The following ZMAT4 variants were observed in gnomAD, a reference collection of about 807,000 sequenced individuals.
ZMAT4 encodes zinc finger matrin-type protein 4.
Under a neutral mutation model 28.7 loss-of-function variants are expected in ZMAT4, and 17 were observed. The ratio of observed to expected loss-of-function variants is 0.59; its 90% CI spans 0.41 to 0.89. The LOEUF (loss-of-function observed/expected upper bound fraction) is 0.89, where lower values mean the gene tolerates loss of function less well. Ranked by LOEUF, ZMAT4 falls within the 40% of genes least tolerant of loss-of-function variation. The pLI, the probability that ZMAT4 is intolerant of heterozygous loss-of-function variation, is 0.00. For missense variants in ZMAT4, 240 were observed against 283.8 expected (o/e 0.85, Z 1.11); for synonymous variants, 117 against 109.2 (o/e 1.07, Z -0.44).
intron 5 of ZMAT4, among the ~76,000 whole-genome samples, chr8:40,629,869 G>A (rs528514520): frequency 3.2e-4 from 49 of 152,178 alleles, no homozygotes; most frequent in African/African-American, 8.4e-4. Context: ...ATAAACATAC[G>A]TGTGCATGTG....
At chr8:40,738,398 C>G (rs980579910) in intron 3 of ZMAT4, among the ~76,000 whole-genome samples, 1 of 152,122 alleles carries the variant, frequency 6.6e-6, no homozygotes, top group African/African-American at 2.4e-5. Context: ...GAAAGTTGTG[C>G]AAGGCGGTGG....
At chr8:40,637,895 G>A (rs1004271596) in intron 5 of ZMAT4, among the ~76,000 whole-genome samples, 2 of 152,158 alleles carry the variant, frequency 1.3e-5, no homozygotes, top group Non-Finnish European at 2.9e-5. Flanking sequence ...AAAGAAAAAT[G>A]GTCATTTTCA....
chr8:40,679,480 A>G (rs1290629800), intron 4 of ZMAT4, among the ~76,000 whole-genome samples: 2 of 152,166 alleles, frequency 1.3e-5, no homozygotes. Context: ...ATCATGGCAG[A>G]AGTGGAAGAA....
At chr8:40,875,687 A>G (rs1818018364) in intron 1 of ZMAT4, among the ~76,000 whole-genome samples, 1 of 152,096 alleles carries the variant, frequency 6.6e-6, no homozygotes, top group African/African-American at 2.4e-5. Flanking sequence ...CCAGGATGGA[A>G]GCTGAAATGC....
At chr8:40,549,392 G>C (rs1803298955) in intron 6 of ZMAT4, among the ~76,000 whole-genome samples, 1 of 152,202 alleles carries the variant, frequency 6.6e-6, no homozygotes, top group Admixed American at 6.5e-5. Flanking sequence ...CAACTCCCAA[G>C]TTTGCATTTC....
At chr8:40,776,167 T>A (rs1262491164) in intron 2 of ZMAT4, among the ~76,000 whole-genome samples, 7 of 152,234 alleles carry the variant, frequency 4.6e-5, no homozygotes, top group Admixed American at 1.3e-4. Context: ...GGGGTCTTTC[T>A]TCTTCTACAC....
chr8:40,613,808 G>A (rs371535263), intron 5 of ZMAT4, among the ~76,000 whole-genome samples: 3 of 152,274 alleles, frequency 2.0e-5, no homozygotes, highest in East Asian at 1.9e-4. Context: ...ACTGGAGGGC[G>A]TGGAATTAGC....
At chr8:40,564,835 G>A (rs892018282) in intron 6 of ZMAT4, among the ~76,000 whole-genome samples, 2 of 152,132 alleles carry the variant, frequency 1.3e-5, no homozygotes, top group Non-Finnish European at 2.9e-5. Context: ...GTGGGCACAG[G>A]ATGAGATATT....
At chr8:40,671,012 G>C (rs1234033430) in intron 5 of ZMAT4, among the ~76,000 whole-genome samples, 1 of 150,282 alleles carries the variant, frequency 6.7e-6, no homozygotes, top group Non-Finnish European at 1.5e-5. Context: ...AGGTTGCAGT[G>C]AGCTGAGATC....
chr8:40,804,578 C>A (rs1286489806), intron 2 of ZMAT4, among the ~76,000 whole-genome samples: 1 of 152,096 alleles, frequency 6.6e-6, no homozygotes, highest in Admixed American at 6.5e-5. Flanking sequence ...CGGTGGCTTA[C>A]TCCTGTAATC....
chr8:40,800,264 C>T (rs1356454414), intron 2 of ZMAT4, among the ~76,000 whole-genome samples: 5 of 152,310 alleles, frequency 3.3e-5, no homozygotes, highest in African/African-American at 1.2e-4. Context: ...GATAGAACTT[C>T]AAGGAGAAAT....
intron 6 of ZMAT4, among the ~76,000 whole-genome samples, chr8:40,553,578 C>T (rs1431785281): frequency 6.6e-6 from 1 of 152,092 alleles, no homozygotes; most frequent in Non-Finnish European, 1.5e-5. Context: ...AATAGTCGCA[C>T]CTGGCATCCA....
chr8:40,613,698 C>T lies in ZMAT4; in HGVS notation c.578-32437G>A, dbSNP rs67654503. Among the ~76,000 whole-genome samples, 15 of 152,274 alleles carry T rather than the reference C, an allele frequency of 9.9e-5. No individual in the cohort carries two copies. In the East Asian group the frequency reaches 2.9e-3, roughly 29 times the overall value. On this transcript the variant is annotated intron_variant, in intron 5 of 6. Transcript: ENST00000297737. Reference sequence around the variant, plus strand: ...CTGCTTCATGGACTTAATGACACCACCAGAGGACAGTAAGTCACTTGCCCT... The same window carrying T: ...CTGCTTCATGGACTTAATGACACCATCAGAGGACAGTAAGTCACTTGCCCT...
chr8:40,700,298 C>G (rs1345596583), intron 3 of ZMAT4, among the ~76,000 whole-genome samples: 1 of 151,668 alleles, frequency 6.6e-6, no homozygotes, highest in Non-Finnish European at 1.5e-5. Context: ...CATCTTTAAG[C>G]CTTCTTAAAG....
chr8:40,732,059 G>A (rs993867535), intron 3 of ZMAT4, among the ~76,000 whole-genome samples: 8 of 152,124 alleles, frequency 5.3e-5, no homozygotes, highest in African/African-American at 1.9e-4. Context: ...CCAGGGGCTG[G>A]GAGGAGGGGA....
chr8:40,628,479 G>A (rs995034551), intron 5 of ZMAT4, among the ~76,000 whole-genome samples: 4 of 152,122 alleles, frequency 2.6e-5, no homozygotes, highest in Admixed American at 2.0e-4. Flanking sequence ...AATTATCCAA[G>A]GTCATACTGC....
chr8:40,543,187 A>T (rs1166326595), intron 6 of ZMAT4, among the ~76,000 whole-genome samples: 2 of 152,078 alleles, frequency 1.3e-5, no homozygotes, highest in East Asian at 1.9e-4. Context: ...CATATCCATT[A>T]CTGAAAGCTG....
At chr8:40,581,669 T>A (rs771017417) in intron 5 of ZMAT4, among the ~76,000 whole-genome samples, 1 of 152,192 alleles carries the variant, frequency 6.6e-6, no homozygotes, top group Non-Finnish European at 1.5e-5. Context: ...AATGACAGCA[T>A]TGAAAATTCA....
intron 6 of ZMAT4, among the ~76,000 whole-genome samples, chr8:40,579,986 A>G (rs1275656913): frequency 1.3e-5 from 2 of 150,696 alleles, no homozygotes; most frequent in African/African-American, 4.9e-5. Context: ...GGCAGGGGGA[A>G]GAGGAAGGAC....
Sources: gnomAD v4.1 joint callset for allele counts (sites outside exome capture counted in the v4.1 genomes callset) on GRCh38, gnomAD v4.1.1 for gene constraint, MANE v1.5 for transcripts, NCBI Gene and HGNC (gene_info 2026-07-23, HGNC 2026-07-21) for gene names.